Variants in PLB1 observed in about 807,000 individuals in gnomAD.
The protein encoded by PLB1 is phospholipase B1, membrane-associated.
Under a neutral mutation model 227.4 loss-of-function variants are expected in PLB1, and 242 were observed. The ratio of observed to expected loss-of-function variants is 1.06; its 90% confidence interval spans 0.96 to 1.18. The LOEUF (loss-of-function observed/expected upper bound fraction) is 1.18, where lower values mean the gene tolerates loss of function less well. PLB1 is among the 50% of genes most tolerant of loss of function. The pLI is 0.00. For missense variants in PLB1, 1,858 were observed against 1,816.3 expected (o/e 1.02, Z -0.42); for synonymous variants, 757 against 682.2 (o/e 1.11, Z -1.71).
In PLB1 at chr2:28,518,533, G is replaced by A; in HGVS notation, c.184+1G>A. ...GGAGTGAATATGCCTTCTAAATCAG[G>A]TATGTAACCCTTGGCCATGAGCAGG... is the stretch of plus-strand genomic sequence containing the variant. On this transcript the variant is annotated splice_donor_variant, in intron 3 of 57. Transcript: ENST00000327757. LOFTEE classifies it high-confidence loss of function. 1 of 1,609,110 alleles carries A rather than the reference G, an allele frequency of 6.2e-7. No individual in the cohort carries two copies. Among genetic ancestry groups the A allele is most frequent in the Non-Finnish European group, 8.5e-7 (1 of 1,175,466 alleles).
rs768677000 is a variant in PLB1, at chr2:28,529,327, C to T, written c.336C>T (p.Asp112=). 1.2e-6 allele frequency: 2 copies of T among 1,608,794 alleles called. No individual in the cohort carries two copies. The highest frequency in any genetic ancestry group is 1.3e-5 in the African/African-American group (1 of 74,914). The change falls in exon 7 of 58, where the codon GAC becomes GAT. Residue 112 remains aspartate, a synonymous_variant. Transcript: ENST00000327757. ...CAGTTCTCTCTTTAGTCCTTTCAGA[C>T]ATCATCAGATATTTCAGTCCTTCTG... ...VCMGVMTVLS[D]IIRYFSPSVP...
At chr2:28,624,168 C>A (rs1430601030) in intron 49 of PLB1, among the ~76,000 whole-genome samples, 2 of 152,176 alleles carry the variant, frequency 1.3e-5, no homozygotes, top group African/African-American at 2.4e-5. Context: ...GTGTTCATCA[C>A]CCACAGGAGT....
At position 28,607,630 on chromosome 2, in the gene PLB1, G is replaced by C. The variant is rs1272586726; in HGVS notation, c.3129+1063G>C. Among the ~76,000 whole-genome samples, 3 of 152,146 alleles carry C rather than the reference G, an allele frequency of 2.0e-5. No homozygotes were observed. In the East Asian group the frequency reaches 5.8e-4, roughly 29 times the overall value. The stretch of plus-strand genomic sequence containing the variant: ...TGCAACACAGATGCCTCTAGTCCAG[G>C]TGGTCAGGTGCTGGCCAAAGGCCTG... On this transcript the variant is annotated intron_variant, in intron 43 of 57. Transcript: ENST00000327757.
intron 43 of PLB1, among the ~76,000 whole-genome samples, chr2:28,613,032 G>A (rs1685698910): frequency 6.6e-6 from 1 of 151,852 alleles, no homozygotes; most frequent in African/African-American, 2.4e-5. Flanking sequence ...CAATCCTTCT[G>A]CTTCAGCCTC....
At position 28,598,000 on chromosome 2, in the gene PLB1, T is replaced by C. The variant is rs1324671556; in HGVS notation, c.2322-5T>C. The C allele has an allele frequency of 1.2e-6, 2 of 1,612,638 alleles. No homozygotes were observed. Among genetic ancestry groups the C allele is most frequent in the South Asian group, 2.2e-5 (2 of 91,062 alleles). ...CTCATTCACTGGCTTGCTCACTCCC[T>C]ACAGTGCAGGAGGGGACGGCTCCCT... is the stretch of plus-strand genomic sequence containing the variant. On this transcript the variant is annotated splice_region_variant and splice_polypyrimidine_tract_variant and intron_variant, in intron 33 of 57. Coordinates refer to ENST00000327757, the MANE Select transcript of PLB1 (RefSeq NM_153021.5).
intron 52 of PLB1, among the ~76,000 whole-genome samples, 163 bp from the exon 53 acceptor site, chr2:28,628,931 A>C (rs1003274940): frequency 6.6e-6 from 1 of 152,166 alleles, no homozygotes; most frequent in Non-Finnish European, 1.5e-5. Context: ...AAGCGGGGCC[A>C]CTCAAGAAGA....
chr2:28,570,029 A>T (rs143397349), intron 20 of PLB1, among the ~76,000 whole-genome samples: 1 of 152,048 alleles, frequency 6.6e-6, no homozygotes, highest in South Asian at 2.1e-4. Context: ...AAGAGATTGA[A>T]TTAATAATTT....
intron 8 of PLB1, among the ~76,000 whole-genome samples, chr2:28,531,904 T>TA (rs563823699): frequency 9.9e-5 from 15 of 151,580 alleles, no homozygotes; most frequent in East Asian, 1.9e-4. Flanking sequence ...GTCTTTTAAT[T>TA]AAAAAAAAAG....
At chr2:28,566,978 C>G (rs1046714136) in intron 20 of PLB1, 139 bp downstream of exon 20, 1 of 895,262 alleles carries the variant, frequency 1.1e-6, no homozygotes. Flanking sequence ...CGCTGCCTCC[C>G]GAGACTGCCG....
At chr2:28,642,728 C>A in intron 57 of PLB1, 130 bp from the exon 58 acceptor site, 1 of 830,298 alleles carries the variant, frequency 1.2e-6, no homozygotes, top group Non-Finnish European at 1.8e-6. Context: ...GGGAGCTTTA[C>A]AAAAGGGAAG....
chr2:28,535,352 C>A (rs1236755929), intron 9 of PLB1, among the ~76,000 whole-genome samples: 1 of 152,180 alleles, frequency 6.6e-6, no homozygotes, highest in African/African-American at 2.4e-5. Flanking sequence ...GCTTTGATGC[C>A]TGGAATAAAT....
intron 10 of PLB1, among the ~76,000 whole-genome samples, chr2:28,538,818 G>T (rs1216989793): frequency 6.6e-6 from 1 of 152,188 alleles, no homozygotes; most frequent in Non-Finnish European, 1.5e-5. Flanking sequence ...GGAGGCTGCA[G>T]GCCCATAGCC....
At position 28,518,462 on chromosome 2, in the gene PLB1, G is replaced by A. The variant is rs1363257257; in HGVS notation, c.118-4G>A. ...ATGTTTCTGATGTTCGTTTTCAATT[G>A]CAGACCCTGAAGAATTCTCCATTCC... On this transcript the variant is annotated splice_region_variant and splice_polypyrimidine_tract_variant and intron_variant, in intron 2 of 57. Transcript: ENST00000327757. The A allele has an allele frequency of 6.2e-7, 1 of 1,609,184 alleles. No homozygotes were observed. The highest frequency in any genetic ancestry group is 1.1e-5 in the South Asian group (1 of 90,970).
At position 28,591,125 on chromosome 2, in the gene PLB1, C is replaced by T; in HGVS notation, c.2089-8C>T. Reference sequence around the variant, plus strand: ...TTGCTGCCATTGCTCACCCCCCTCTCCTCACAGGTCCAGCCGTTTCTGAGG... The same window carrying T: ...TTGCTGCCATTGCTCACCCCCCTCTTCTCACAGGTCCAGCCGTTTCTGAGG... On this transcript the variant is annotated splice_region_variant and splice_polypyrimidine_tract_variant and intron_variant, in intron 29 of 57. Transcript: ENST00000327757. 1.2e-6 allele frequency: 2 copies of T among 1,614,172 alleles called. No individual in the cohort carries two copies. Among genetic ancestry groups the T allele is most frequent in the Non-Finnish European group, 1.7e-6 (2 of 1,180,016 alleles).
At chr2:28,610,799 G>T (rs1685336402) in intron 43 of PLB1, among the ~76,000 whole-genome samples, 1 of 152,168 alleles carries the variant, frequency 6.6e-6, no homozygotes, top group Non-Finnish European at 1.5e-5. Context: ...TCAGGAGGCT[G>T]GCTGGGCTCT....
intron 45 of PLB1, among the ~76,000 whole-genome samples, chr2:28,618,129 C>T (rs1317479320): frequency 1.3e-5 from 2 of 152,214 alleles, no homozygotes; most frequent in Non-Finnish European, 2.9e-5. Flanking sequence ...CAATCAGGCT[C>T]TTCTGAGGGT....
rs1687790420 is a variant in PLB1 at position 28,626,442 on chromosome 2, G to A, written c.3594G>A (p.Glu1198=). Residue 1198 remains glutamate (E), a synonymous_variant, in exon 51 of 58, where the codon GAG becomes GAA. Transcript: ENST00000327757. ...RMKNSPDINL[E]KDWKLVTLFI... is the part of the protein sequence containing the mutation. ...TGTCCCCTCAGGACATCAACCTGGA[G>A]AAAGACTGGAAGCTGGTCACACTCT... is the stretch of plus-strand genomic sequence containing the variant. 1 of 1,614,052 alleles carries A rather than the reference G, an allele frequency of 6.2e-7. No homozygotes were observed. Among genetic ancestry groups the A allele is most frequent in the Non-Finnish European group, 8.5e-7 (1 of 1,179,998 alleles).
chr2:28,514,480 C>T (rs766871450), intron 1 of PLB1, among the ~76,000 whole-genome samples: 7 of 152,108 alleles, frequency 4.6e-5, no homozygotes, highest in African/African-American at 7.2e-5. Flanking sequence ...AAGGTTTCTA[C>T]GTCTTTTAAT....
At position 28,611,266 on chromosome 2, in the gene PLB1, G is replaced by A. The variant is rs547008169; in HGVS notation, c.3130-2765G>A. 3.1e-4 allele frequency among the ~76,000 whole-genome samples: 47 copies of A among 152,220 alleles called. No homozygotes were observed. In the South Asian group the frequency reaches 9.1e-3, roughly 30 times the overall value. On this transcript the variant is annotated intron_variant, in intron 43 of 57. Coordinates refer to ENST00000327757, the MANE Select transcript of PLB1 (RefSeq NM_153021.5). The stretch of plus-strand genomic sequence containing the variant: ...TCTGCCTCCCTTTCCCCAACCTGTA[G>A]ATCTTGTGATCAAATAGATTCAATG...
Sources: allele counts gnomAD v4.1 joint callset (sites outside exome capture counted in the v4.1 genomes callset), GRCh38; gene constraint gnomAD v4.1.1; transcripts MANE v1.5; gene names NCBI Gene and HGNC (gene_info 2026-07-23, HGNC 2026-07-21).